GASK1B: variants seen among roughly 807,000 people sequenced by gnomAD.
GASK1B encodes the protein golgi associated kinase 1B, also known as Golgi-associated kinase 1B.
In GASK1B, 34 loss-of-function variants were observed where a neutral mutation model predicts 42.8. The ratio of observed to expected loss-of-function variants is 0.79; its 90% CI spans 0.60 to 1.06. The LOEUF is 1.06. GASK1B is among the 50% of genes least tolerant of loss of function. The pLI, the probability that GASK1B is intolerant of heterozygous loss-of-function variation, is 0.00. For synonymous variants in GASK1B, 262 were observed against 259.1 expected (o/e 1.01, Z -0.11); for missense variants, 686 against 661.0 (o/e 1.04, Z -0.42).
In GASK1B at chr4:158,127,383, C is replaced by T. The variant is rs1730495799; in HGVS notation, c.*24G>A. The T allele has an allele frequency of 1.3e-6, 2 of 1,596,068 alleles. No individual in the cohort carries two copies. The highest frequency in any genetic ancestry group is 1.1e-5 in the South Asian group (1 of 89,146). ...ACCAAAAATGCATAAATATATCTAA[C>T]ACCCTAGCCAGAAGATTCTTTTGTC... On this transcript the variant is annotated 3_prime_UTR_variant, in exon 5 of 5. Coordinates refer to ENST00000585682, the MANE Select transcript of GASK1B (RefSeq NM_001128424.2).
At chr4:158,172,196 C>G (rs959108079) in intron 1 of GASK1B, 3 of 149,746 alleles carry the variant, frequency 2.0e-5, no homozygotes, top group Non-Finnish European at 4.5e-5. Context: ...CACACATACA[C>G]ACACACAACA....
intron 3 of GASK1B, among the ~76,000 whole-genome samples, chr4:158,150,868 T>C (rs561364349): frequency 6.6e-6 from 1 of 152,342 alleles, no homozygotes; most frequent in Non-Finnish European, 1.5e-5. Flanking sequence ...TCCTTGCTGG[T>C]GTCTCTGCAC....
At chr4:158,132,872 G>A (rs1730735096) in intron 3 of GASK1B, among the ~76,000 whole-genome samples, 1 of 152,130 alleles carries the variant, frequency 6.6e-6, no homozygotes, top group Admixed American at 6.5e-5. Context: ...TGACTCCAGG[G>A]AACAGTAAGT....
chr4:158,142,330 C>G (rs1230066883), intron 3 of GASK1B, among the ~76,000 whole-genome samples: 1 of 152,152 alleles, frequency 6.6e-6, no homozygotes, highest in Non-Finnish European at 1.5e-5. Flanking sequence ...ATAATCTCTA[C>G]CACTAAAGGC....
intron 3 of GASK1B, among the ~76,000 whole-genome samples, chr4:158,145,948 T>A (rs1165408586): frequency 1.3e-5 from 2 of 152,214 alleles, no homozygotes; most frequent in African/African-American, 4.8e-5. Flanking sequence ...TTCTTAGAAA[T>A]GTAAGTATAT....
chr4:158,159,051 A>C (rs1297246085), intron 2 of GASK1B, among the ~76,000 whole-genome samples: 2 of 152,124 alleles, frequency 1.3e-5, no homozygotes, highest in Admixed American at 1.3e-4. Flanking sequence ...AGGTGTCCTC[A>C]AACTGCCAAA....
chr4:158,152,802 C>G (rs1319157974), intron 3 of GASK1B, among the ~76,000 whole-genome samples: 1 of 152,098 alleles, frequency 6.6e-6, no homozygotes, highest in African/African-American at 2.4e-5. Flanking sequence ...ATCCAGCATC[C>G]ATTTATGATT....
At chr4:158,161,553 T>A (rs1016398468) in intron 2 of GASK1B, among the ~76,000 whole-genome samples, 4 of 152,208 alleles carry the variant, frequency 2.6e-5, no homozygotes, top group African/African-American at 7.2e-5. Flanking sequence ...AAACAAGGCA[T>A]TCTTCTTTGT....
chr4:158,133,142 G>T (rs1369573034), intron 3 of GASK1B, among the ~76,000 whole-genome samples: 1 of 152,106 alleles, frequency 6.6e-6, no homozygotes, highest in Admixed American at 6.6e-5. Context: ...AATTATTTAA[G>T]TTAAGGTCAG....
intron 3 of GASK1B, among the ~76,000 whole-genome samples, chr4:158,140,738 A>C (rs1731082594): frequency 6.6e-6 from 1 of 152,174 alleles, no homozygotes; most frequent in South Asian, 2.1e-4. Context: ...AAATGTTTGA[A>C]TCTCAAATGG....
chr4:158,152,335 T>C (rs1731589435), intron 3 of GASK1B, among the ~76,000 whole-genome samples: 1 of 152,086 alleles, frequency 6.6e-6, no homozygotes, highest in African/African-American at 2.4e-5. Flanking sequence ...TAGAGAACCC[T>C]AACTAATACA....
intron 3 of GASK1B, among the ~76,000 whole-genome samples, chr4:158,140,833 TACTA>T (rs1214439871): frequency 6.6e-6 from 1 of 152,218 alleles, no homozygotes; most frequent in African/African-American, 2.4e-5. Context: ...AACTGAAGCA[TACTA>T]ACTATGCACT....
intron 3 of GASK1B, among the ~76,000 whole-genome samples, chr4:158,133,037 C>T (rs886488765): frequency 1.3e-5 from 2 of 152,190 alleles, no homozygotes; most frequent in Non-Finnish European, 2.9e-5. Flanking sequence ...TTATTGAGCC[C>T]TTTCTTCTCA....
chr4:158,159,546 A>G, intron 2 of GASK1B: 1 of 448,524 alleles, frequency 2.2e-6, no homozygotes, highest in Non-Finnish European at 4.5e-6. Flanking sequence ...AGAAGCATTC[A>G]TCTCTCCACA....
Position 158,170,524 on chromosome 4 carries a change from C to T in GASK1B, c.852G>A (p.Arg284=), listed in dbSNP as rs1404099175. Residue 284 remains arginine (R), a synonymous_variant, in exon 2 of 5, where the codon AGG becomes AGA. Coordinates refer to ENST00000585682, the MANE Select transcript of GASK1B (RefSeq NM_001128424.2). ...GCAGGGTCCTGTTGAGCCCCAGGAT[C>T]CTGTCTAGGTGGAAGGCAAACACCT... ...MSEVFAFHLD[R]ILGLNRTLPS... is the part of the protein sequence containing the mutation. 2.5e-6 allele frequency: 4 copies of T among 1,614,128 alleles called. No individual in the cohort carries two copies. The Admixed American group carries it at 5.0e-5, about 20-fold the overall frequency.
At chr4:158,131,849 C>T (rs1049039318) in intron 3 of GASK1B, among the ~76,000 whole-genome samples, 4 of 152,102 alleles carry the variant, frequency 2.6e-5, no homozygotes, top group Non-Finnish European at 5.9e-5. Context: ...TCAATGTAAA[C>T]GCCTGAGTAA....
At position 158,126,011 on chromosome 4, in the gene GASK1B, A is replaced by G. The variant is rs1281211397; in HGVS notation, c.*1396T>C. On this transcript the variant is annotated 3_prime_UTR_variant, in exon 5 of 5. Coordinates refer to ENST00000585682, the MANE Select transcript of GASK1B (RefSeq NM_001128424.2). ...AAATGTGGTGTATTTCAGCAATAAC[A>G]GACGTAACCGTGAAAAGACAGGAGA... is the stretch of plus-strand genomic sequence containing the variant. 6.6e-6 allele frequency: 1 copy of G among 152,152 alleles called. No individual in the cohort carries two copies. The highest frequency in any genetic ancestry group is 1.5e-5 in the Non-Finnish European group (1 of 68,016). 9.4% of individuals were successfully genotyped at this position (152,152 alleles called of 1,614,324 possible).
intron 2 of GASK1B, among the ~76,000 whole-genome samples, chr4:158,156,207 T>C (rs1159839334): frequency 6.6e-6 from 1 of 152,200 alleles, no homozygotes; most frequent in Non-Finnish European, 1.5e-5. Flanking sequence ...ATTCAATGTC[T>C]GAGTGGAGCT....
chr4:158,133,916 T>TGTGC lies in GASK1B; in HGVS notation c.1126-2905_1126-2904insGCAC, dbSNP rs1435604508. 2.3e-3 allele frequency among the ~76,000 whole-genome samples: 340 copies of TGTGC among 149,760 alleles called. 1 individual carries two copies. Among genetic ancestry groups the TGTGC allele is most frequent in the African/African-American group, 7.6e-3 (313 of 40,922 alleles). ...GCATATGTGTGTGTGTGTGTGTGTG[T>TGTGC]GCGCGTGCACGAACACTGTGTGTAC... is the stretch of plus-strand genomic sequence containing the variant. On this transcript the variant is annotated intron_variant, in intron 3 of 4. Coordinates refer to ENST00000585682, the MANE Select transcript of GASK1B (RefSeq NM_001128424.2).
Sources: allele counts gnomAD v4.1 joint callset (sites outside exome capture counted in the v4.1 genomes callset), GRCh38; gene constraint gnomAD v4.1.1; transcripts MANE v1.5; gene names NCBI Gene and HGNC (gene_info 2026-07-23, HGNC 2026-07-21).